BLTP1: variants seen among roughly 807,000 people sequenced by gnomAD.
BLTP1 encodes fragile site-associated protein.
the BLTP1 span, among the ~76,000 whole-genome samples, chr4:122,287,900 C>A: frequency 6.6e-6 from 1 of 152,096 alleles, no homozygotes; most frequent in East Asian, 1.9e-4. Flanking sequence ...TTTAGCAATA[C>A]TATTATTAAT....
chr4:122,355,532 C>G, the BLTP1 span, among the ~76,000 whole-genome samples: 3 of 149,078 alleles, frequency 2.0e-5, no homozygotes, highest in Non-Finnish European at 4.4e-5. Context: ...CAGTGAGCTA[C>G]TGATATAGAT....
chr4:122,205,975 G>A, the BLTP1 span: 70 of 984,772 alleles, frequency 7.1e-5, no homozygotes, highest in Admixed American at 2.5e-4. Flanking sequence ...TGTACAAACT[G>A]CTATGGTAGA....
the BLTP1 span, chr4:122,359,421 ATAT>A: frequency 4.4e-6 from 6 of 1,375,840 alleles, no homozygotes; most frequent in Non-Finnish European, 4.8e-6. Context: ...TTATTTTAAA[ATAT>A]TATTTTTAAG....
chr4:122,269,582 G>A, the BLTP1 span: 1,361 of 985,000 alleles, frequency 1.4e-3, 12 homozygotes, highest in African/African-American at 0.023. Flanking sequence ...GACCTTCACC[G>A]CAATATACTT....
At chr4:122,308,852 T>C in the BLTP1 span, among the ~76,000 whole-genome samples, 4 of 152,206 alleles carry the variant, frequency 2.6e-5, no homozygotes, top group East Asian at 5.8e-4. Flanking sequence ...AGGATTCTGT[T>C]CGGTAAGACA....
the BLTP1 span, among the ~76,000 whole-genome samples, chr4:122,342,350 ATTTATTTATTTATTTT>A: frequency 6.6e-6 from 1 of 151,012 alleles, no homozygotes; most frequent in Non-Finnish European, 1.5e-5. Flanking sequence ...TTATTTATTT[ATTTATTTATTTATTTT>A]TTTTTTTGAG....
the BLTP1 span, among the ~76,000 whole-genome samples, chr4:122,195,961 C>T: frequency 6.6e-6 from 1 of 152,120 alleles, no homozygotes; most frequent in Non-Finnish European, 1.5e-5. Flanking sequence ...TTATACAATA[C>T]TAATGTTAGC....
chr4:122,224,105 G>A, the BLTP1 span: 1 of 981,288 alleles, frequency 1.0e-6, no homozygotes, highest in Non-Finnish European at 1.2e-6. Flanking sequence ...AATGGTCTGA[G>A]TTCTTCAATG....
chr4:122,229,466 T>A, the BLTP1 span, among the ~76,000 whole-genome samples: 2 of 152,194 alleles, frequency 1.3e-5, no homozygotes, highest in Non-Finnish European at 2.9e-5. Flanking sequence ...CATTGCTTTA[T>A]GGGAAGGATA....
At chr4:122,169,911 T>A in the BLTP1 span, 1 of 984,012 alleles carries the variant, frequency 1.0e-6, no homozygotes, top group Non-Finnish European at 1.2e-6. Flanking sequence ...GGGATTTATC[T>A]AGCTTAATAT....
At chr4:122,175,174 T>A in the BLTP1 span, 1 of 984,780 alleles carries the variant, frequency 1.0e-6, no homozygotes, top group Admixed American at 6.1e-5. Flanking sequence ...TTCAAATTTG[T>A]GACTTAGGTA....
chr4:122,344,686 A>C, the BLTP1 span: 1 of 1,157,250 alleles, frequency 8.6e-7, no homozygotes. Context: ...GTTGATATAA[A>C]GGAGAGGAAT....
chr4:122,187,916 C>G, the BLTP1 span: 1 of 1,578,452 alleles, frequency 6.3e-7, no homozygotes, highest in Non-Finnish European at 8.6e-7. Flanking sequence ...CTTTGGAAAT[C>G]ACTACCAGCC....
chr4:122,156,670 A>G, the BLTP1 span, among the ~76,000 whole-genome samples: 2 of 152,240 alleles, frequency 1.3e-5, no homozygotes, highest in Non-Finnish European at 2.9e-5. Context: ...AGCTAAAGCT[A>G]TGAGTTTGAG....
the BLTP1 span, chr4:122,240,466 A>C: frequency 2.4e-6 from 2 of 833,598 alleles, no homozygotes; most frequent in Non-Finnish European, 3.7e-6. Flanking sequence ...TGAGAGAGAG[A>C]CTTTCTGAAG....
At chr4:122,284,796 A>C in the BLTP1 span, among the ~76,000 whole-genome samples, 1 of 152,202 alleles carries the variant, frequency 6.6e-6, no homozygotes, top group African/African-American at 2.4e-5. Context: ...TTTATAAATT[A>C]AACTTTATCA....
the BLTP1 span, chr4:122,309,089 C>A: frequency 5.4e-6 from 2 of 369,206 alleles, no homozygotes; most frequent in Non-Finnish European, 7.5e-6. Context: ...ATGCACATGG[C>A]AAGTACATTG....
At chr4:122,263,502 T>TG in the BLTP1 span, 1 of 1,612,210 alleles carries the variant, frequency 6.2e-7, no homozygotes, top group Non-Finnish European at 8.5e-7. Context: ...CCATCATCTG[T>TG]GAGTTTCTAT....
the BLTP1 span, among the ~76,000 whole-genome samples, chr4:122,294,524 C>A: frequency 6.6e-6 from 1 of 152,182 alleles, no homozygotes; most frequent in Non-Finnish European, 1.5e-5. Context: ...AGCAGCCCTA[C>A]AGAAGAGTGG....
Sources: allele counts gnomAD v4.1 joint callset (sites outside exome capture counted in the v4.1 genomes callset), GRCh38; gene constraint gnomAD v4.1.1; transcripts MANE v1.5; gene names NCBI Gene and HGNC (gene_info 2026-07-23, HGNC 2026-07-21).